Variants in LHCGR observed in about 807,000 individuals in gnomAD.
The protein encoded by LHCGR is luteinizing hormone/choriogonadotropin receptor.
Under a neutral mutation model 60.7 loss-of-function variants are expected in LHCGR, and 55 were observed. The observed-to-expected ratio is 0.91, with a 90% confidence interval of 0.73 to 1.13. The LOEUF is 1.13. Ranked by LOEUF, LHCGR falls within the 50% of genes most tolerant of loss-of-function variation. LHCGR has a pLI of 0.00. For missense variants in LHCGR, 862 were observed against 836.0 expected (o/e 1.03, Z -0.38); for synonymous variants, 337 against 316.5 (o/e 1.06, Z -0.69).
chr2:48,697,896 T>C (rs182342667), intron 9 of LHCGR, among the ~76,000 whole-genome samples: 2 of 152,326 alleles, frequency 1.3e-5, no homozygotes, highest in Admixed American at 1.3e-4. Context: ...AAAAGTTAAG[T>C]ATCACTCAGC....
intron 9 of LHCGR, among the ~76,000 whole-genome samples, chr2:48,694,578 T>A (rs1223169627): frequency 2.0e-5 from 3 of 152,164 alleles, no homozygotes; most frequent in Non-Finnish European, 4.4e-5. Flanking sequence ...TCATATTGAA[T>A]CAAGGATTTT....
chr2:48,728,932 G>A (rs761114859), intron 3 of LHCGR, among the ~76,000 whole-genome samples: 3 of 152,186 alleles, frequency 2.0e-5, no homozygotes, highest in Non-Finnish European at 2.9e-5. Flanking sequence ...GTGTTGTGAT[G>A]TTTCAGAGTT....
chr2:48,701,230 C>T lies in LHCGR; in HGVS notation c.681-2430G>A, dbSNP rs572864563. ...GTTGATCTTGGCGGGATCTACAGTA[C>T]GAAGAATAACAAGGACAGCTCATTT... On this transcript the variant is annotated intron_variant, in intron 8 of 10. Transcript: ENST00000294954. Among the ~76,000 whole-genome samples, 151 of 152,142 alleles carry T rather than the reference C, an allele frequency of 9.9e-4. 1 individual carries two copies. Among genetic ancestry groups the T allele is most frequent in the Middle Eastern group, 3.4e-3 (1 of 294 alleles).
chr2:48,727,810 A>T (rs1478725792), intron 3 of LHCGR, among the ~76,000 whole-genome samples: 4 of 152,220 alleles, frequency 2.6e-5, no homozygotes, highest in Non-Finnish European at 5.9e-5. Flanking sequence ...CTGTATTCCA[A>T]CAGCATTTGG....
In LHCGR at chr2:48,689,058, C is replaced by CACACACATATAT. The variant is rs946747650; in HGVS notation, c.948-221_948-210dup. Among the ~76,000 whole-genome samples, 19 of 151,932 alleles carry CACACACATATAT rather than the reference C, an allele frequency of 1.3e-4. No individual in the cohort carries two copies. The East Asian group carries it at 1.7e-3, about 14-fold the overall frequency. On this transcript the variant is annotated intron_variant, in intron 10 of 10. Transcript: ENST00000294954. ...TGAAAAGCCATTTAGACTATATATA[C>CACACACATATAT]ACACACATATATACACACATATATA...
chr2:48,720,031 A>T (rs1668432236), intron 6 of LHCGR: 1 of 152,202 alleles, frequency 6.6e-6, no homozygotes, highest in Admixed American at 6.5e-5. Context: ...GGGGGATGGA[A>T]CTACAATGTC....
intron 4 of LHCGR, among the ~76,000 whole-genome samples, chr2:48,725,246 C>G (rs1044265322): frequency 6.6e-6 from 1 of 152,026 alleles, no homozygotes; most frequent in Non-Finnish European, 1.5e-5. Context: ...ATTTAATGAA[C>G]AAATGAAAAA....
chr2:48,730,296 TA>T (rs1668933386), intron 2 of LHCGR, among the ~76,000 whole-genome samples: 1 of 152,192 alleles, frequency 6.6e-6, no homozygotes, highest in Non-Finnish European at 1.5e-5. Context: ...CTTAATGCAT[TA>T]AAGGTTATCA....
At chr2:48,726,176 T>C (rs1183443664) in intron 3 of LHCGR, among the ~76,000 whole-genome samples, 11 of 152,116 alleles carry the variant, frequency 7.2e-5, no homozygotes. Flanking sequence ...CTCGTCCTCT[T>C]CATATTGGCC....
intron 3 of LHCGR, among the ~76,000 whole-genome samples, chr2:48,728,646 A>G (rs754813586): frequency 6.6e-6 from 1 of 152,168 alleles, no homozygotes; most frequent in Non-Finnish European, 1.5e-5. Context: ...ATACTTTGGC[A>G]AGGGTTGTTT....
At chr2:48,743,376 CA>C (rs1411888782) in intron 1 of LHCGR, among the ~76,000 whole-genome samples, 2 of 152,146 alleles carry the variant, frequency 1.3e-5, no homozygotes, top group African/African-American at 4.8e-5. Flanking sequence ...CAAAGCTGGG[CA>C]GAGACACAAC....
rs569802773 is a variant in LHCGR at position 48,710,640 on chromosome 2, A to G, written c.606-1618T>C. 3.3e-5 allele frequency among the ~76,000 whole-genome samples: 5 copies of G among 152,304 alleles called. No homozygotes were observed. In the East Asian group the frequency reaches 9.7e-4, roughly 29 times the overall value. On this transcript the variant is annotated intron_variant, in intron 7 of 10. Coordinates refer to ENST00000294954, the MANE Select transcript of LHCGR (RefSeq NM_000233.4). ...TTGAAGCACAGGGGAAGAACCCACAAGCTCCGCCAAAGTTTTCCCAGCTTG... is the reference window on the plus strand; with the variant it reads ...TTGAAGCACAGGGGAAGAACCCACAGGCTCCGCCAAAGTTTTCCCAGCTTG...
intron 1 of LHCGR, among the ~76,000 whole-genome samples, chr2:48,743,281 C>T (rs1473688636): frequency 1.2e-3 from 178 of 151,984 alleles, no homozygotes; most frequent in African/African-American, 4.2e-3. Flanking sequence ...GGAACTGGTA[C>T]CATTCCTTCT....
At chr2:48,743,329 C>T (rs1360931147) in intron 1 of LHCGR, among the ~76,000 whole-genome samples, 2 of 152,100 alleles carry the variant, frequency 1.3e-5, no homozygotes, top group Admixed American at 6.5e-5. Flanking sequence ...GGGAATCCTC[C>T]CTAACTCATT....
chr2:48,736,730 A>G lies in LHCGR; in HGVS notation c.162-5432T>C, dbSNP rs1237500046. On this transcript the variant is annotated intron_variant, in intron 1 of 10. Coordinates refer to ENST00000294954, the MANE Select transcript of LHCGR (RefSeq NM_000233.4). ...ATAGAAGATTTGTTTTGTATGTTATATATATTAAAAATTTTAAAAAAATCT... is the reference window on the plus strand; with the variant it reads ...ATAGAAGATTTGTTTTGTATGTTATGTATATTAAAAATTTTAAAAAAATCT... 3.3e-5 allele frequency among the ~76,000 whole-genome samples: 5 copies of G among 152,286 alleles called. No individual in the cohort carries two copies. The South Asian group carries it at 1.0e-3, about 32-fold the overall frequency.
intron 3 of LHCGR, among the ~76,000 whole-genome samples, chr2:48,727,825 G>A (rs1668807033): frequency 6.6e-6 from 1 of 152,228 alleles, no homozygotes; most frequent in African/African-American, 2.4e-5. Context: ...ATTTGGCCCT[G>A]TATTGGACAC....
rs77517897 is a variant in LHCGR at position 48,729,726 on chromosome 2, C to T, written c.234-499G>A. Reference sequence around the variant, plus strand: ...CTTAACCCTTAGTTTCCCAAAATCTCGTGCTGAGGCCGTTGCAAGGTGGTC... The same window carrying T: ...CTTAACCCTTAGTTTCCCAAAATCTTGTGCTGAGGCCGTTGCAAGGTGGTC... On this transcript the variant is annotated intron_variant, in intron 2 of 10. Coordinates refer to ENST00000294954, the MANE Select transcript of LHCGR (RefSeq NM_000233.4). Among the ~76,000 whole-genome samples, 1,371 of 152,300 alleles carry T rather than the reference C, an allele frequency of 9.0e-3. 16 individuals carry two copies. Among genetic ancestry groups the T allele is most frequent in the African/African-American group, 0.032 (1,312 of 41,550 alleles).
chr2:48,723,765 G>C (rs571327140), intron 4 of LHCGR, 69 bp from the exon 5 acceptor site: 2 of 1,138,738 alleles, frequency 1.8e-6, no homozygotes, highest in African/African-American at 3.0e-5. Context: ...AAGACATAAA[G>C]ATAAAAAGAG....
chr2:48,695,394 C>T (rs1229787638), intron 9 of LHCGR, among the ~76,000 whole-genome samples: 1 of 152,102 alleles, frequency 6.6e-6, no homozygotes, highest in Non-Finnish European at 1.5e-5. Flanking sequence ...AGGGTATTTC[C>T]TAGGTTTTCA....
Sources: allele counts gnomAD v4.1 joint callset (sites outside exome capture counted in the v4.1 genomes callset), GRCh38; gene constraint gnomAD v4.1.1; transcripts MANE v1.5; gene names NCBI Gene and HGNC (gene_info 2026-07-23, HGNC 2026-07-21).